Variants in SLC25A21 observed in about 807,000 individuals in gnomAD.
SLC25A21 encodes mitochondrial 2-oxodicarboxylate carrier.
Under a neutral mutation model 43.8 loss-of-function variants are expected in SLC25A21, and 47 were observed. The ratio of observed to expected loss-of-function variants is 1.07; its 90% CI spans 0.85 to 1.37. The LOEUF (loss-of-function observed/expected upper bound fraction) is 1.37. Ranked by LOEUF, SLC25A21 falls within the 40% of genes most tolerant of loss-of-function variation. The pLI is 0.00. For missense variants in SLC25A21, 352 were observed against 350.2 expected (o/e 1.00, Z -0.04); for synonymous variants, 131 against 121.3 (o/e 1.08, Z -0.52).
At position 36,981,694 on chromosome 14, in the gene SLC25A21, G is replaced by C. The variant is rs542442103; in HGVS notation, c.71-106690C>G. On this transcript the variant is annotated intron_variant, in intron 1 of 9. Transcript: ENST00000331299. ...CACACACTGGGGCCTGTCGTGGGGT[G>C]GGGGGAAAAGGGAGGGATAGCATTA... Among the ~76,000 whole-genome samples the C allele has an allele frequency of 4.6e-5, 7 of 152,156 alleles. No homozygotes were observed. In the East Asian group the frequency reaches 7.7e-4, roughly 17 times the overall value.
chr14:36,790,825 A>G (rs1887458617), intron 3 of SLC25A21, among the ~76,000 whole-genome samples: 1 of 152,166 alleles, frequency 6.6e-6, no homozygotes, highest in South Asian at 2.1e-4. Flanking sequence ...GGACTGTTAT[A>G]AAACCACATA....
At chr14:36,752,840 T>C (rs767951555) in intron 3 of SLC25A21, among the ~76,000 whole-genome samples, 1 of 152,166 alleles carries the variant, frequency 6.6e-6, no homozygotes, top group Non-Finnish European at 1.5e-5. Context: ...CGCCTTTGCT[T>C]GCACTTCTCC....
At chr14:36,936,551 C>G (rs181941669) in intron 1 of SLC25A21, among the ~76,000 whole-genome samples, 43 of 152,246 alleles carry the variant, frequency 2.8e-4, no homozygotes, top group Admixed American at 2.4e-3. Context: ...AAACCACAGA[C>G]CAGAACCTCT....
chr14:37,096,682 A>G (rs1219265341), intron 1 of SLC25A21, among the ~76,000 whole-genome samples: 2 of 151,680 alleles, frequency 1.3e-5, no homozygotes, highest in African/African-American at 4.8e-5. Flanking sequence ...TTGTCAACTG[A>G]ATTTTTTTCA....
intron 1 of SLC25A21, among the ~76,000 whole-genome samples, chr14:37,043,011 T>A (rs1436684670): frequency 6.6e-6 from 1 of 152,172 alleles, no homozygotes; most frequent in African/African-American, 2.4e-5. Flanking sequence ...CCTTTCCAAT[T>A]GATTATTTCA....
chr14:36,952,613 G>A (rs956674318), intron 1 of SLC25A21, among the ~76,000 whole-genome samples: 1 of 152,098 alleles, frequency 6.6e-6, no homozygotes, highest in Non-Finnish European at 1.5e-5. Context: ...GACCGAATAA[G>A]TCTAGACTTA....
chr14:37,155,564 G>T (rs1963833598), intron 1 of SLC25A21, among the ~76,000 whole-genome samples: 1 of 151,964 alleles, frequency 6.6e-6, no homozygotes, highest in African/African-American at 2.4e-5. Flanking sequence ...CACCTATAAA[G>T]AAAACTCCAT....
At position 36,796,221 on chromosome 14, in the gene SLC25A21, T is replaced by C. The variant is rs554310622; in HGVS notation, c.203+17697A>G. ...GCAATCTCTGCATGTCAAAGCATTA[T>C]AGTGCCTTAAAATGCAGGCAATCAT... On this transcript the variant is annotated intron_variant, in intron 3 of 9. Transcript: ENST00000331299. Among the ~76,000 whole-genome samples the C allele has an allele frequency of 4.7e-4, 72 of 152,290 alleles. 1 individual carries two copies. The South Asian group carries it at 0.015, about 31-fold the overall frequency.
intron 3 of SLC25A21, among the ~76,000 whole-genome samples, chr14:36,769,251 T>G (rs915646217): frequency 2.6e-5 from 4 of 152,248 alleles, no homozygotes; most frequent in Non-Finnish European, 5.9e-5. Flanking sequence ...GTGGTGCTTT[T>G]GAATATTTCT....
chr14:36,759,659 C>T (rs889906816), intron 3 of SLC25A21: 2 of 152,216 alleles, frequency 1.3e-5, no homozygotes, highest in African/African-American at 4.8e-5. Flanking sequence ...CCTGTTTCCT[C>T]CTCACACGGT....
At chr14:36,985,714 G>T (rs1960131839) in intron 1 of SLC25A21, among the ~76,000 whole-genome samples, 1 of 152,050 alleles carries the variant, frequency 6.6e-6, no homozygotes, top group African/African-American at 2.4e-5. Context: ...TATAATGGTT[G>T]TCGTAATTTT....
chr14:36,885,905 C>T (rs530730763), intron 1 of SLC25A21, among the ~76,000 whole-genome samples: 4 of 152,222 alleles, frequency 2.6e-5, no homozygotes, highest in South Asian at 2.1e-4. Flanking sequence ...TTGATGTTTT[C>T]GAATTAAATC....
At chr14:36,896,756 T>G (rs926534873) in intron 1 of SLC25A21, among the ~76,000 whole-genome samples, 4 of 152,220 alleles carry the variant, frequency 2.6e-5, no homozygotes, top group Non-Finnish European at 5.9e-5. Context: ...TCTCTCAGCA[T>G]TTGCTTGTCT....
intron 1 of SLC25A21, among the ~76,000 whole-genome samples, chr14:37,095,839 CACACAA>C (rs201816197): frequency 0.077 from 4,533 of 58,752 alleles, 119 homozygotes; most frequent in Admixed American, 0.18. Context: ...CACACACACA[CACACAA>C]AAAACACCTT....
chr14:36,900,320 A>G (rs957339911), intron 1 of SLC25A21, among the ~76,000 whole-genome samples: 1 of 152,094 alleles, frequency 6.6e-6, no homozygotes, highest in African/African-American at 2.4e-5. Context: ...GAGGATAGGG[A>G]CATCTCATTG....
At chr14:37,077,661 G>C (rs1436321018) in intron 1 of SLC25A21, among the ~76,000 whole-genome samples, 6 of 152,072 alleles carry the variant, frequency 3.9e-5, no homozygotes, top group Non-Finnish European at 1.5e-5. Flanking sequence ...ATCTTAGATG[G>C]GTAGTTGTAA....
chr14:37,045,564 G>A (rs1018003843), intron 1 of SLC25A21, among the ~76,000 whole-genome samples: 2 of 152,180 alleles, frequency 1.3e-5, no homozygotes, highest in Admixed American at 6.5e-5. Flanking sequence ...TCAAAGTAAT[G>A]AGCTTAATTC....
intron 3 of SLC25A21, among the ~76,000 whole-genome samples, chr14:36,807,330 T>C (rs898906060): frequency 3.3e-5 from 5 of 152,140 alleles, no homozygotes; most frequent in African/African-American, 9.7e-5. Context: ...GGTGGATGAA[T>C]TGGTCTCTGT....
At chr14:36,736,177 C>T (rs931628493) in intron 3 of SLC25A21, among the ~76,000 whole-genome samples, 5 of 151,980 alleles carry the variant, frequency 3.3e-5, no homozygotes, top group East Asian at 3.9e-4. Context: ...CCTCGTGATC[C>T]GCCTGCCTTG....
Sources: allele counts gnomAD v4.1 joint callset (sites outside exome capture counted in the v4.1 genomes callset), GRCh38; gene constraint gnomAD v4.1.1; transcripts MANE v1.5; gene names NCBI Gene and HGNC (gene_info 2026-07-23, HGNC 2026-07-21).